Variants in EFR3A observed in about 807,000 individuals in gnomAD.
EFR3A encodes the protein protein EFR3 homolog A.
Under a neutral mutation model 104.4 loss-of-function variants are expected in EFR3A, and 76 were observed. That is an observed-to-expected ratio of 0.73 (90% CI 0.60 to 0.88). The LOEUF (loss-of-function observed/expected upper bound fraction) is 0.88. Among genes scored for constraint, EFR3A ranks in the 40% least tolerant of loss-of-function variants. The pLI is 0.00. For synonymous variants in EFR3A, 330 were observed against 330.0 expected (o/e 1.00, Z 0.00); for missense variants, 985 against 1,012.5 (o/e 0.97, Z 0.37).
rs28430809 is a variant in EFR3A, at chr8:131,915,126, T to C, written c.10+10804T>C. Among the ~76,000 whole-genome samples the C allele has an allele frequency of 1.2e-3, 180 of 152,322 alleles. 1 individual carries two copies. Among genetic ancestry groups the C allele is most frequent in the African/African-American group, 4.1e-3 (171 of 41,576 alleles). On this transcript the variant is annotated intron_variant, in intron 1 of 22. Transcript: ENST00000254624. ...TGGAGCAGCTCTATTTTTATCTCTTTTATTTGTGACATTCTGCATTTGGTT... is the reference window on the plus strand; with the variant it reads ...TGGAGCAGCTCTATTTTTATCTCTTCTATTTGTGACATTCTGCATTTGGTT...
At chr8:131,910,901 C>T (rs1586515242) in intron 1 of EFR3A, among the ~76,000 whole-genome samples, 1 of 152,090 alleles carries the variant, frequency 6.6e-6, no homozygotes, top group South Asian at 2.1e-4. Context: ...CAGACAGTCT[C>T]AGAAATAAAG....
intron 2 of EFR3A, among the ~76,000 whole-genome samples, chr8:131,943,492 C>A (rs1043368046): frequency 6.6e-6 from 1 of 152,028 alleles, no homozygotes; most frequent in African/African-American, 2.4e-5. Context: ...GGAGCCAGAT[C>A]ATGGAACTGT....
Position 131,940,587 on chromosome 8 carries a change from T to C in EFR3A, c.87+12T>C. ...CTGAAGATCCAAAAGTAATTTGATCTACATCTACTGATCCTTCTCTTTGCT... is the reference window on the plus strand; with the variant it reads ...CTGAAGATCCAAAAGTAATTTGATCCACATCTACTGATCCTTCTCTTTGCT... On this transcript the variant is annotated intron_variant, in intron 2 of 22. Coordinates refer to ENST00000254624, the MANE Select transcript of EFR3A (RefSeq NM_015137.6). The C allele has an allele frequency of 6.3e-7, 1 of 1,599,824 alleles. No homozygotes were observed. Among genetic ancestry groups the C allele is most frequent in the South Asian group, 1.1e-5 (1 of 88,502 alleles).
At chr8:132,010,428 AT>A (rs1478912906) in intron 22 of EFR3A, among the ~76,000 whole-genome samples, 1 of 127,198 alleles carries the variant, frequency 7.9e-6, no homozygotes, top group Non-Finnish European at 1.6e-5. Flanking sequence ...ATATATATAT[AT>A]ATATATATAT....
rs74919571 is a variant in EFR3A at position 132,003,179 on chromosome 8, A to T, written c.2311-57A>T. ...TTGTCTCTTAAGTTACATTGATATTATTATATATAGATACCTAGAAAATAA... is the reference window on the plus strand; with the variant it reads ...TTGTCTCTTAAGTTACATTGATATTTTTATATATAGATACCTAGAAAATAA... On this transcript the variant is annotated intron_variant, in intron 21 of 22. Transcript: ENST00000254624. The T allele has an allele frequency of 0.015, 19,403 of 1,317,096 alleles. 212 individuals are homozygous for T. Among genetic ancestry groups the T allele is most frequent in the African/African-American group, 0.046 (3,134 of 67,854 alleles). The allele number at this position is 1,317,096 out of a possible 1,614,324, so 81.6% of individuals were successfully genotyped here.
intron 1 of EFR3A, among the ~76,000 whole-genome samples, chr8:131,922,490 A>T (rs1298598090): frequency 1.3e-5 from 2 of 152,046 alleles, no homozygotes; most frequent in East Asian, 3.9e-4. Context: ...AATCTGAAAC[A>T]CTTCTGGTCT....
chr8:131,959,515 T>C (rs1377629454), intron 7 of EFR3A, 70 bp from the exon 8 acceptor site: 2 of 1,235,298 alleles, frequency 1.6e-6, no homozygotes, highest in African/African-American at 3.0e-5. Flanking sequence ...GCTTTTCCTA[T>C]TGTTGAGGTT....
intron 1 of EFR3A, 107 bp downstream of exon 1, chr8:131,904,429 C>A: frequency 9.2e-7 from 1 of 1,087,188 alleles, no homozygotes; most frequent in Non-Finnish European, 1.2e-6. Flanking sequence ...CCGCGCTGAG[C>A]AGAGCCAGGA....
intron 1 of EFR3A, among the ~76,000 whole-genome samples, chr8:131,904,939 G>A (rs1816171247): frequency 6.6e-6 from 1 of 152,220 alleles, no homozygotes; most frequent in Admixed American, 6.5e-5. Context: ...CATGGAATTA[G>A]TCTGGAGCTT....
In EFR3A at chr8:131,968,637, C is replaced by T. The variant is rs144120715; in HGVS notation, c.991+207C>T. ...GTATTTTCCTTCACATCAATTCCTCCTCCCTTTCCTTCTTCTAATAAAGGT... is the reference window on the plus strand; with the variant it reads ...GTATTTTCCTTCACATCAATTCCTCTTCCCTTTCCTTCTTCTAATAAAGGT... On this transcript the variant is annotated intron_variant, in intron 9 of 22. Coordinates refer to ENST00000254624, the MANE Select transcript of EFR3A (RefSeq NM_015137.6). Among the ~76,000 whole-genome samples, 497 of 152,204 alleles carry T rather than the reference C, an allele frequency of 3.3e-3. 2 individuals carry two copies. Among genetic ancestry groups the T allele is most frequent in the African/African-American group, 0.011 (475 of 41,530 alleles).
chr8:131,908,285 C>T (rs2130367446), intron 1 of EFR3A, among the ~76,000 whole-genome samples: 1 of 152,186 alleles, frequency 6.6e-6, no homozygotes, highest in Admixed American at 6.5e-5. Flanking sequence ...TGGTCTCAAT[C>T]TCCTGACCTC....
chr8:131,956,900 A>G lies in EFR3A; in HGVS notation c.776+995A>G, dbSNP rs1230009102. On this transcript the variant is annotated intron_variant, in intron 7 of 22. Transcript: ENST00000254624. ...ATACTAAAGGCAAATTTATTTTTTT[A>G]ATATCTAGATGTGCTGACTTAACGT... Among the ~76,000 whole-genome samples, 5 of 152,162 alleles carry G rather than the reference A, an allele frequency of 3.3e-5. No individual in the cohort carries two copies. In the East Asian group the frequency reaches 9.6e-4, roughly 29 times the overall value.
chr8:131,965,463 C>T (rs1354929084), intron 8 of EFR3A, among the ~76,000 whole-genome samples: 1 of 152,226 alleles, frequency 6.6e-6, no homozygotes, highest in Non-Finnish European at 1.5e-5. Flanking sequence ...TGAGATAATG[C>T]TCATCATCAC....
At chr8:131,964,787 G>C (rs1240172473) in intron 8 of EFR3A, among the ~76,000 whole-genome samples, 2 of 152,154 alleles carry the variant, frequency 1.3e-5, no homozygotes, top group Non-Finnish European at 2.9e-5. Flanking sequence ...AACAAAGCTG[G>C]AGTCATCACG....
chr8:131,922,563 G>A (rs1419960541), intron 1 of EFR3A, among the ~76,000 whole-genome samples: 2 of 152,000 alleles, frequency 1.3e-5, no homozygotes, highest in Non-Finnish European at 2.9e-5. Flanking sequence ...ATATTGTTTT[G>A]GGGAACATAA....
chr8:131,984,717 C>T (rs1198982406), intron 15 of EFR3A, among the ~76,000 whole-genome samples: 2 of 152,112 alleles, frequency 1.3e-5, no homozygotes, highest in African/African-American at 4.8e-5. Context: ...ACAGGAAAGG[C>T]TTTCCTAGGG....
chr8:131,971,502 C>T (rs904198636), intron 10 of EFR3A, among the ~76,000 whole-genome samples: 2 of 152,062 alleles, frequency 1.3e-5, no homozygotes, highest in African/African-American at 2.4e-5. Flanking sequence ...TCCTAGCTAA[C>T]ACGGTGAAAC....
intron 1 of EFR3A, among the ~76,000 whole-genome samples, chr8:131,919,570 TG>T (rs1404974590): frequency 1.6e-5 from 2 of 128,500 alleles, no homozygotes; most frequent in Non-Finnish European, 3.1e-5. Context: ...CACTCCAGCC[TG>T]GGCGACAGAG....
intron 1 of EFR3A, among the ~76,000 whole-genome samples, chr8:131,936,581 C>T (rs1463491331): frequency 6.6e-6 from 1 of 151,976 alleles, no homozygotes; most frequent in African/African-American, 2.4e-5. Flanking sequence ...AGTTGGAAGC[C>T]CCAGGTTGTT....
Sources: gnomAD v4.1 joint callset for allele counts (sites outside exome capture counted in the v4.1 genomes callset) on GRCh38, gnomAD v4.1.1 for gene constraint, MANE v1.5 for transcripts, NCBI Gene and HGNC (gene_info 2026-07-23, HGNC 2026-07-21) for gene names.